Variants in CADPS observed in about 807,000 individuals in gnomAD.
CADPS encodes calcium-dependent secretion activator 1.
In CADPS, 57 loss-of-function variants were observed where a neutral mutation model predicts 167.3. The ratio of observed to expected loss-of-function variants is 0.34; its 90% CI spans 0.28 to 0.42. CADPS has a LOEUF of 0.42. Among genes scored for constraint, CADPS ranks in the 20% least tolerant of loss-of-function variants. CADPS has a pLI of 1.00. For missense variants in CADPS, 1,414 were observed against 1,738.1 expected (o/e 0.81, Z 3.32); for synonymous variants, 676 against 635.3 (o/e 1.06, Z -0.96).
intron 28 of CADPS, among the ~76,000 whole-genome samples, chr3:62,437,574 C>T (rs2055387471): frequency 6.6e-6 from 1 of 152,052 alleles, no homozygotes; most frequent in African/African-American, 2.4e-5. Context: ...ACTGACTGAG[C>T]AACTCTAATG....
chr3:62,742,776 G>A (rs540310039), intron 3 of CADPS, among the ~76,000 whole-genome samples: 1 of 152,178 alleles, frequency 6.6e-6, no homozygotes, highest in South Asian at 2.1e-4. Context: ...TTGACAAATG[G>A]GATCTAATTA....
rs1461484561 is a variant in CADPS, at chr3:62,789,832, T to TATGTG, written c.442-23853_442-23849dup. On this transcript the variant is annotated intron_variant, in intron 1 of 29. Coordinates refer to ENST00000383710, the MANE Select transcript of CADPS (RefSeq NM_003716.4). ...ATAATTAACGTGTATCAAGCCTTAT[T>TATGTG]ATGTGCTAGGCTCTCAGCCAAGCCC... Among the ~76,000 whole-genome samples the TATGTG allele has an allele frequency of 2.7e-4, 41 of 152,336 alleles. 2 individuals carry two copies. In the South Asian group the frequency reaches 7.7e-3, roughly 28 times the overall value.
intron 18 of CADPS, among the ~76,000 whole-genome samples, chr3:62,494,893 C>T (rs932676422): frequency 5.5e-4 from 84 of 152,016 alleles, no homozygotes; most frequent in Non-Finnish European, 1.9e-4. Flanking sequence ...AAACTCCTGG[C>T]CTCAGCTGGT....
intron 11 of CADPS, 108 bp downstream of exon 11, chr3:62,549,795 A>G: frequency 3.5e-6 from 3 of 846,386 alleles, no homozygotes; most frequent in Admixed American, 5.5e-5. Flanking sequence ...TTCAGCAAAC[A>G]TGATTTTATA....
chr3:62,496,151 T>C (rs1396750877), intron 18 of CADPS, among the ~76,000 whole-genome samples: 19 of 152,030 alleles, frequency 1.2e-4, no homozygotes, highest in Admixed American at 1.2e-3. Flanking sequence ...ATTGTCTTAC[T>C]TTTTCTTTTG....
intron 3 of CADPS, among the ~76,000 whole-genome samples, chr3:62,670,490 AGTTT>A (rs1231580755): frequency 4.6e-5 from 7 of 152,170 alleles, no homozygotes; most frequent in African/African-American, 1.7e-4. Flanking sequence ...GGTAGGTCAA[AGTTT>A]CCATTCTGAA....
intron 29 of CADPS, among the ~76,000 whole-genome samples, chr3:62,401,588 G>T (rs544802069): frequency 1.1e-4 from 16 of 152,220 alleles, no homozygotes; most frequent in Non-Finnish European, 1.6e-4. Context: ...AGGCCTCTGG[G>T]TGATGTTCTT....
intron 3 of CADPS, among the ~76,000 whole-genome samples, chr3:62,740,241 T>A (rs1054848232): frequency 6.6e-6 from 1 of 152,188 alleles, no homozygotes; most frequent in African/African-American, 2.4e-5. Flanking sequence ...GGCATGGTCT[T>A]CTCTTGGAAG....
At chr3:62,678,204 C>T (rs974162789) in intron 3 of CADPS, among the ~76,000 whole-genome samples, 1 of 151,954 alleles carries the variant, frequency 6.6e-6, no homozygotes, top group Non-Finnish European at 1.5e-5. Context: ...GATTTAAAAG[C>T]CTGAGATGCT....
chr3:62,483,095 G>A (rs755788380), intron 21 of CADPS, among the ~76,000 whole-genome samples: 9 of 151,996 alleles, frequency 5.9e-5, no homozygotes, highest in Non-Finnish European at 1.0e-4. Flanking sequence ...TCACTGGCAC[G>A]GTAGAGCCCA....
At chr3:62,801,667 C>T (rs983299691) in intron 1 of CADPS, among the ~76,000 whole-genome samples, 9 of 152,096 alleles carry the variant, frequency 5.9e-5, no homozygotes, top group Admixed American at 1.3e-4. Context: ...ACTTATTTAA[C>T]GCCAATATGT....
chr3:62,682,102 G>A (rs997615766), intron 3 of CADPS, among the ~76,000 whole-genome samples: 4 of 152,068 alleles, frequency 2.6e-5, no homozygotes, highest in African/African-American at 9.7e-5. Context: ...GGCAGCACAA[G>A]GGACAGAGAC....
intron 2 of CADPS, among the ~76,000 whole-genome samples, chr3:62,755,616 A>T (rs574649019): frequency 9.2e-5 from 14 of 151,950 alleles, no homozygotes; most frequent in African/African-American, 3.1e-4. Flanking sequence ...GTTTTTTTTT[A>T]AAAAGGCTCC....
chr3:62,399,913 G>A lies in CADPS; in HGVS notation c.3883-328C>T, dbSNP rs1456784149. 6.6e-6 allele frequency among the ~76,000 whole-genome samples: 1 copy of A among 152,132 alleles called. No homozygotes were observed. Among genetic ancestry groups the A allele is most frequent in the Non-Finnish European group, 1.5e-5 (1 of 68,028 alleles). On this transcript the variant is annotated intron_variant, in intron 29 of 29. Coordinates refer to ENST00000383710, the MANE Select transcript of CADPS (RefSeq NM_003716.4). This position sits in a 1 kb window ranked among gnomAD's most constrained non-coding sequence, Gnocchi z 5.6. Reference sequence around the variant, plus strand: ...TTTGTGGACTGGTTCTTTCTCTTAGGTTAGTGTAATGTAATATGATAGACA... The same window carrying A: ...TTTGTGGACTGGTTCTTTCTCTTAGATTAGTGTAATGTAATATGATAGACA...
intron 28 of CADPS, among the ~76,000 whole-genome samples, chr3:62,418,322 CTCTTTT>C (rs1560110745): frequency 1.4e-5 from 2 of 139,458 alleles, no homozygotes; most frequent in East Asian, 4.2e-4. Context: ...TCTTTTTTCT[CTCTTTT>C]TTTTTTTTTT....
chr3:62,688,613 G>A (rs899464904), intron 3 of CADPS, among the ~76,000 whole-genome samples: 1 of 152,080 alleles, frequency 6.6e-6, no homozygotes, highest in Non-Finnish European at 1.5e-5. Flanking sequence ...CACCCAGCTA[G>A]TTAAGAGCCT....
chr3:62,575,545 T>C (rs533084733), intron 8 of CADPS, among the ~76,000 whole-genome samples: 3 of 152,358 alleles, frequency 2.0e-5, no homozygotes, highest in East Asian at 3.9e-4. Flanking sequence ...AAATACTTGC[T>C]ATTAGATATA....
intron 6 of CADPS, among the ~76,000 whole-genome samples, chr3:62,597,304 G>A (rs1323764791): frequency 1.3e-5 from 2 of 152,112 alleles, no homozygotes; most frequent in African/African-American, 2.4e-5. Flanking sequence ...CTATGATCAC[G>A]CCACTGTACT....
Position 62,599,748 on chromosome 3 carries a change from CTAT to C in CADPS, c.1326-7003_1326-7001del, listed in dbSNP as rs1562709775. ...ATATAGTATATATAATATATATAAT[CTAT>C]TATATATATTGTATATATAATATAT... On this transcript the variant is annotated intron_variant, in intron 6 of 29. Transcript: ENST00000383710. 3.6e-3 allele frequency among the ~76,000 whole-genome samples: 63 copies of C among 17,372 alleles called. 5 individuals carry two copies. Among genetic ancestry groups the C allele is most frequent in the Middle Eastern group, 0.1 (1 of 10 alleles). The allele number at this position is 17,372 out of a possible 152,430, so 11.4% of individuals were successfully genotyped here.
Sources: allele counts gnomAD v4.1 joint callset (sites outside exome capture counted in the v4.1 genomes callset), GRCh38; gene constraint gnomAD v4.1.1; non-coding constraint Gnocchi (gnomAD v3.1); transcripts MANE v1.5; gene names NCBI Gene and HGNC (gene_info 2026-07-23, HGNC 2026-07-21).